The following NFIX variants were observed in gnomAD, a reference collection of about 807,000 sequenced individuals.
The protein encoded by NFIX is nuclear factor 1 X-type.
NFIX carries 2 observed loss-of-function variants against 53.3 expected under a neutral mutation model. That is an observed-to-expected ratio of 0.04 (90% CI 0.02 to 0.12). The LOEUF (loss-of-function observed/expected upper bound fraction) is 0.12, where lower values mean the gene tolerates loss of function less well. Ranked by LOEUF, NFIX falls within the 10% of genes least tolerant of loss-of-function variation. The pLI is 1.00. For synonymous variants in NFIX, 244 were observed against 289.0 expected, an observed-to-expected ratio of 0.84 and a Z score of 1.58; for missense variants, 310 against 674.5, an observed-to-expected ratio of 0.46 and a Z score of 5.99.
At chr19:13,008,854 C>T (rs2012167715) in intron 1 of NFIX, among the ~76,000 whole-genome samples, 1 of 152,222 alleles carries the variant, frequency 6.6e-6, no homozygotes, top group Non-Finnish European at 1.5e-5. Flanking sequence ...GACCCATCAC[C>T]TCCAAGGTTT....
At chr19:13,023,092 C>CTCTCTA (rs1315417110) in intron 1 of NFIX, among the ~76,000 whole-genome samples, 1 of 150,776 alleles carries the variant, frequency 6.6e-6, no homozygotes, top group South Asian at 2.1e-4. Context: ...CTCTCTCTCT[C>CTCTCTA]TCTCTGTCTC....
rs570133840 is a variant in NFIX, at chr19:13,092,123, C to T, written c.1494+1733C>T. The stretch of plus-strand genomic sequence containing the variant: ...CAGGCAGGCGGCTGCAACGGGCGGG[C>T]GCAGGGGGTACAGCCGGGGGTGGTT... On this transcript the variant is annotated intron_variant, in intron 10 of 10. Coordinates refer to ENST00000592199, the MANE Select transcript of NFIX (RefSeq NM_001365902.3). 3.3e-5 allele frequency among the ~76,000 whole-genome samples: 5 copies of T among 151,956 alleles called. No individual in the cohort carries two copies. In the South Asian group the frequency reaches 1.0e-3, roughly 32 times the overall value.
At chr19:13,050,311 T>C (rs529285885) in intron 2 of NFIX, among the ~76,000 whole-genome samples, 1 of 152,374 alleles carries the variant, frequency 6.6e-6, no homozygotes, top group South Asian at 2.1e-4. Flanking sequence ...GTATCTGGCA[T>C]GGTCCCTTCC....
At chr19:13,030,775 T>C (rs1188545551) in intron 2 of NFIX, among the ~76,000 whole-genome samples, 3 of 152,210 alleles carry the variant, frequency 2.0e-5, no homozygotes, top group African/African-American at 7.2e-5. Context: ...TAGCCAGCCA[T>C]GGTGGCTACA....
In NFIX at chr19:13,090,276, C is replaced by T. The variant is rs368248181; in HGVS notation, c.1403-23C>T. 1 of 1,612,444 alleles carries T rather than the reference C, an allele frequency of 6.2e-7. No homozygotes were observed. Among genetic ancestry groups the T allele is most frequent in the Non-Finnish European group, 8.5e-7 (1 of 1,178,676 alleles). On this transcript the variant is annotated intron_variant, in intron 9 of 10. Transcript: ENST00000592199. The surrounding 1 kb of genome is among the most constrained non-coding windows in gnomAD (Gnocchi z 6.6). ...GCCCCAAGGCCTGACAGGGTCTCTC[C>T]CTCTCTCCCCTGCTCCCCACAGCAT...
intron 5 of NFIX, among the ~76,000 whole-genome samples, chr19:13,074,289 G>A (rs1327369371): frequency 6.6e-6 from 1 of 152,190 alleles, no homozygotes; most frequent in Non-Finnish European, 1.5e-5. Context: ...AGTCCAAGAA[G>A]GTCTCTGTCT....
chr19:13,019,722 T>G (rs200097198), intron 1 of NFIX, among the ~76,000 whole-genome samples: 1,614 of 141,114 alleles, frequency 0.011, 38 homozygotes, highest in African/African-American at 0.04. Context: ...GTTTTTTTTT[T>G]GTTTGTTTGT....
intron 2 of NFIX, among the ~76,000 whole-genome samples, chr19:13,038,604 C>T (rs768728348): frequency 3.3e-5 from 5 of 152,206 alleles, no homozygotes; most frequent in Non-Finnish European, 7.3e-5. Context: ...CCGTTTAGCC[C>T]GGCATATGTG....
chr19:13,008,573 C>G (rs997973915), intron 1 of NFIX, among the ~76,000 whole-genome samples: 3 of 152,210 alleles, frequency 2.0e-5, no homozygotes, highest in African/African-American at 7.2e-5. Flanking sequence ...CTCTTTCTCT[C>G]CTAGCTTTTC....
rs2011551979 is a variant in NFIX, at chr19:12,998,508, CG to C, written c.27+2647del. 6.6e-6 allele frequency among the ~76,000 whole-genome samples: 1 copy of C among 151,648 alleles called. No homozygotes were observed. The highest frequency in any genetic ancestry group is 1.5e-5 in the Non-Finnish European group (1 of 67,938). On this transcript the variant is annotated intron_variant, in intron 1 of 10. Transcript: ENST00000592199. The surrounding 1 kb of genome is among the most constrained non-coding windows in gnomAD (Gnocchi z 4.4). ...AAAAAGCATCGAAATTCAGGGCGGCCGGGTGGGGCGGTTCCTGGAGCTGCTG... is the reference window on the plus strand; with the variant it reads ...AAAAAGCATCGAAATTCAGGGCGGCCGGTGGGGCGGTTCCTGGAGCTGCTG...
At chr19:13,086,093 A>G (rs2017763893) in intron 8 of NFIX, among the ~76,000 whole-genome samples, 1 of 152,244 alleles carries the variant, frequency 6.6e-6, no homozygotes, top group African/African-American at 2.4e-5. Context: ...AGTCTTTCAT[A>G]CAGAGAGCTT....
rs372603403 is a variant in NFIX at position 13,012,890 on chromosome 19, G to T, written c.28-12131G>T. Among the ~76,000 whole-genome samples, 1 of 152,128 alleles carries T rather than the reference G, an allele frequency of 6.6e-6. No individual in the cohort carries two copies. The highest frequency in any genetic ancestry group is 1.5e-5 in the Non-Finnish European group (1 of 68,006). On this transcript the variant is annotated intron_variant, in intron 1 of 10. Transcript: ENST00000592199. This position sits in a 1 kb window ranked among gnomAD's most constrained non-coding sequence, Gnocchi z 5.0. The stretch of plus-strand genomic sequence containing the variant: ...CTTCAATCCCCGAGCCTTCTCTTTT[G>T]GGGGAGTAAAGGCGGGGAAATTTAC...
At position 13,001,511 on chromosome 19, in the gene NFIX, C is replaced by T. The variant is rs1395205506; in HGVS notation, c.27+5647C>T. ...GTACCGGTCACCATCTTTGTATCTG[C>T]GCTTTGTATCTGGGGTGACAGTGTC... On this transcript the variant is annotated intron_variant, in intron 1 of 10. Coordinates refer to ENST00000592199, the MANE Select transcript of NFIX (RefSeq NM_001365902.3). The surrounding 1 kb of genome is among the most constrained non-coding windows in gnomAD (Gnocchi z 6.5). 6.6e-6 allele frequency among the ~76,000 whole-genome samples: 1 copy of T among 152,242 alleles called. No individual in the cohort carries two copies. Among genetic ancestry groups the T allele is most frequent in the South Asian group, 2.1e-4 (1 of 4,816 alleles).
chr19:12,996,173 G>A lies in NFIX; in HGVS notation c.27+309G>A, dbSNP rs1315168004. 2.0e-5 allele frequency among the ~76,000 whole-genome samples: 3 copies of A among 151,686 alleles called. No homozygotes were observed. Among genetic ancestry groups the A allele is most frequent in the Non-Finnish European group, 4.4e-5 (3 of 67,878 alleles). ...TGTGTGTGTGTGTGTGTGTGTGTGC[G>A]CGCTCGACTGGGGTGCGATGGGCAG... On this transcript the variant is annotated intron_variant, in intron 1 of 10. Coordinates refer to ENST00000592199, the MANE Select transcript of NFIX (RefSeq NM_001365902.3). This position sits in a 1 kb window ranked among gnomAD's most constrained non-coding sequence, Gnocchi z 5.2.
intron 10 of NFIX, among the ~76,000 whole-genome samples, chr19:13,091,221 C>T (rs1220888270): frequency 6.6e-6 from 1 of 152,120 alleles, no homozygotes; most frequent in Non-Finnish European, 1.5e-5. Flanking sequence ...TTTACAAAAA[C>T]ACCACCTTGG....
In NFIX at chr19:13,013,718, C is replaced by G. The variant is rs1180667904; in HGVS notation, c.28-11303C>G. On this transcript the variant is annotated intron_variant, in intron 1 of 10. Transcript: ENST00000592199. This position sits in a 1 kb window ranked among gnomAD's most constrained non-coding sequence, Gnocchi z 5.9. ...TTTTATAAAGCATGTGAGACAGAGG[C>G]TGAATGGTAGAAACAGGCTGTTAAA... The G allele has an allele frequency of 6.6e-6, 1 of 151,558 alleles. No homozygotes were observed. The highest frequency in any genetic ancestry group is 1.5e-5 in the Non-Finnish European group (1 of 67,974). 9.4% of individuals were successfully genotyped at this position (151,558 alleles called of 1,614,324 possible).
chr19:13,075,068 T>TAAAAAA (rs57860606), intron 5 of NFIX, among the ~76,000 whole-genome samples: 1,913 of 73,562 alleles, frequency 0.026, 160 homozygotes, highest in African/African-American at 0.093. Flanking sequence ...AGACTCCATC[T>TAAAAAA]AAAAAAAAAA....
chr19:13,088,230 A>G lies in NFIX; in HGVS notation c.1402+94A>G. The G allele has an allele frequency of 7.2e-7, 1 of 1,381,956 alleles. No homozygotes were observed. The highest frequency in any genetic ancestry group is 2.0e-4 in the Middle Eastern group (1 of 5,046). 85.6% of individuals were successfully genotyped at this position (1,381,956 alleles called of 1,614,324 possible). Reference sequence around the variant, plus strand: ...AAAAAGAAAAGCCTTCCCCCTCCCCACCACCAAAGCCCCCCAACCCAGAGC... The same window carrying G: ...AAAAAGAAAAGCCTTCCCCCTCCCCGCCACCAAAGCCCCCCAACCCAGAGC... On this transcript the variant is annotated intron_variant, in intron 9 of 10. Transcript: ENST00000592199. The surrounding 1 kb of genome is among the most constrained non-coding windows in gnomAD (Gnocchi z 5.9).
rs1455833953 is a variant in NFIX, at chr19:13,037,075, A to G, written c.559+11523A>G. 1.3e-5 allele frequency among the ~76,000 whole-genome samples: 2 copies of G among 152,178 alleles called. No individual in the cohort carries two copies. Among genetic ancestry groups the G allele is most frequent in the East Asian group, 1.9e-4 (1 of 5,186 alleles). ...GAGTCCTTAATGGGTGAGACAGGCC[A>G]TCTGCCCTTGGGTATTTGACCCAAC... On this transcript the variant is annotated intron_variant, in intron 2 of 10. Transcript: ENST00000592199. The surrounding 1 kb of genome is among the most constrained non-coding windows in gnomAD (Gnocchi z 4.2).
Sources: gnomAD v4.1 joint callset for allele counts (sites outside exome capture counted in the v4.1 genomes callset) on GRCh38, gnomAD v4.1.1 for gene constraint, Gnocchi (gnomAD v3.1) non-coding constraint, MANE v1.5 for transcripts, NCBI Gene and HGNC (gene_info 2026-07-23, HGNC 2026-07-21) for gene names.